RAF1: variants seen among roughly 807,000 people sequenced by gnomAD.
The protein encoded by RAF1 is Raf-1 proto-oncogene, serine/threonine kinase.
A neutral mutation model predicts 81.1 loss-of-function variants in RAF1; 27 were observed. The ratio of observed to expected loss-of-function variants is 0.33; its 90% CI spans 0.25 to 0.46. The LOEUF is 0.46. Ranked by LOEUF, RAF1 falls within the 20% of genes least tolerant of loss-of-function variation. The pLI, the probability that RAF1 is intolerant of heterozygous loss-of-function variation, is 1.00. For synonymous variants in RAF1, 298 were observed against 294.0 expected (o/e 1.01, Z -0.14); for missense variants, 598 against 826.0 (o/e 0.72, Z 3.38).
intron 11 of RAF1, among the ~76,000 whole-genome samples, chr3:12,597,726 G>C: frequency 6.6e-6 from 1 of 151,932 alleles, no homozygotes; most frequent in East Asian, 1.9e-4. Context: ...ACCAGTCTAG[G>C]AAACATGGCG....
chr3:12,625,989 G>C (rs1575613563), intron 1 of RAF1, among the ~76,000 whole-genome samples: 1 of 151,936 alleles, frequency 6.6e-6, no homozygotes, highest in Admixed American at 6.6e-5. Flanking sequence ...AAGTAGGCCG[G>C]GCGCAGTGGC....
chr3:12,603,358 C>A, intron 8 of RAF1: 3 of 539,292 alleles, frequency 5.6e-6, no homozygotes, highest in Admixed American at 3.2e-5. Flanking sequence ...AACATGGAAA[C>A]AAGTGACAAG....
intron 1 of RAF1, among the ~76,000 whole-genome samples, chr3:12,643,158 C>T (rs554154336): frequency 1.1e-4 from 17 of 152,286 alleles, no homozygotes; most frequent in African/African-American, 3.9e-4. Context: ...AATCAAATGT[C>T]AGATAAAAGC....
rs751334223 is a variant in RAF1 at position 12,612,066 on chromosome 3, C to A, written c.208-4G>T. 1.2e-6 allele frequency: 2 copies of A among 1,613,184 alleles called. No homozygotes were observed. Among genetic ancestry groups the A allele is most frequent in the South Asian group, 2.2e-5 (2 of 91,068 alleles). ...TCATTCCATTTCGCACATTGACCTA[C>A]AAACAAAGGACCACCTTTAGGACCA... On this transcript the variant is annotated splice_region_variant and splice_polypyrimidine_tract_variant and intron_variant, in intron 2 of 17. Coordinates refer to ENST00000442415, the MANE Select transcript of RAF1 (RefSeq NM_001354689.3).
intron 1 of RAF1, among the ~76,000 whole-genome samples, chr3:12,623,912 T>C (rs182500601): frequency 0.052 from 7,806 of 150,110 alleles, 679 homozygotes; most frequent in African/African-American, 0.18. Context: ...TGGAATGCAG[T>C]GGCGCGATCT....
At chr3:12,586,327 GT>G (rs1303718314) in intron 14 of RAF1, among the ~76,000 whole-genome samples, 7 of 152,156 alleles carry the variant, frequency 4.6e-5, no homozygotes, top group African/African-American at 1.7e-4. Context: ...GTACCACTCA[GT>G]GACTTCAAAA....
chr3:12,623,824 C>G (rs531643674), intron 1 of RAF1, among the ~76,000 whole-genome samples: 19 of 146,398 alleles, frequency 1.3e-4, no homozygotes, highest in African/African-American at 4.5e-4. Context: ...AAAAAAGAGG[C>G]AGGCTAAGTT....
In RAF1 at chr3:12,608,437, C is replaced by T. The variant is rs139769216; in HGVS notation, c.581+329G>A. The T allele has an allele frequency of 2.9e-3, 979 of 334,536 alleles. 21 individuals are homozygous for T. The Admixed American group carries it at 0.039, about 13-fold the overall frequency. 20.7% of individuals were successfully genotyped at this position (334,536 alleles called of 1,614,324 possible). On this transcript the variant is annotated intron_variant, in intron 5 of 17. Coordinates refer to ENST00000442415, the MANE Select transcript of RAF1 (RefSeq NM_001354689.3). ...TACAGAGCAGTGTCTACTAGCAACC[C>T]CAGTAGATAATACTATTAAGAGCGA... is the stretch of plus-strand genomic sequence containing the variant.
intron 1 of RAF1, among the ~76,000 whole-genome samples, chr3:12,638,681 A>T (rs1451095066): frequency 6.6e-6 from 1 of 152,130 alleles, no homozygotes; most frequent in Admixed American, 6.6e-5. Flanking sequence ...CACACATCCG[A>T]TTTGTCTTAA....
In RAF1 at chr3:12,655,000, A is replaced by ACCCC. The variant is rs35380724; in HGVS notation, c.-27+8809_-27+8812dup. ...AGACCAACCTGGTAAACATAGTGAG[A>ACCCC]CCCCCCCCCCGCCATCTCTAAAATA... is the stretch of plus-strand genomic sequence containing the variant. On this transcript the variant is annotated intron_variant, in intron 1 of 17. Coordinates refer to ENST00000442415, the MANE Select transcript of RAF1 (RefSeq NM_001354689.3). 7.7e-4 allele frequency among the ~76,000 whole-genome samples: 98 copies of ACCCC among 128,102 alleles called. 1 individual carries two copies. Among genetic ancestry groups the ACCCC allele is most frequent in the African/African-American group, 1.1e-3 (38 of 35,232 alleles). The allele number at this position is 128,102 out of a possible 152,430, so 84.0% of individuals were successfully genotyped here. A position where few individuals can be genotyped will look rare whatever the true frequency, so the allele number is the denominator to read the frequency against.
chr3:12,620,156 CTTTT>C (rs991719912), intron 1 of RAF1, among the ~76,000 whole-genome samples: 5 of 152,082 alleles, frequency 3.3e-5, no homozygotes, highest in African/African-American at 1.2e-4. Flanking sequence ...CTTTTCTTTT[CTTTT>C]GAGACAGAGT....
At position 12,652,163 on chromosome 3, in the gene RAF1, C is replaced by T. The variant is rs1458072340; in HGVS notation, c.-27+11650G>A. The stretch of plus-strand genomic sequence containing the variant: ...CCCAGGAGGCAGAGTCTGCAGTAAG[C>T]CAACATCATGCCACTGCACTCCAAC... On this transcript the variant is annotated intron_variant, in intron 1 of 17. Transcript: ENST00000442415. 4.0e-5 allele frequency among the ~76,000 whole-genome samples: 6 copies of T among 150,802 alleles called. No homozygotes were observed. The Admixed American group carries it at 4.0e-4, about 10-fold the overall frequency.
intron 1 of RAF1, among the ~76,000 whole-genome samples, chr3:12,649,070 C>T (rs2060440971): frequency 6.6e-6 from 1 of 151,892 alleles, no homozygotes; most frequent in African/African-American, 2.4e-5. Flanking sequence ...GCCAAGATCA[C>T]GCCATTGCAC....
chr3:12,649,947 C>A (rs1401312969), intron 1 of RAF1, among the ~76,000 whole-genome samples: 1 of 151,864 alleles, frequency 6.6e-6, no homozygotes, highest in Non-Finnish European at 1.5e-5. Context: ...GAGTTCGCGA[C>A]CAGTCTGGCC....
At chr3:12,634,306 C>T (rs1162226320) in intron 1 of RAF1, among the ~76,000 whole-genome samples, 1 of 151,750 alleles carries the variant, frequency 6.6e-6, no homozygotes, top group Non-Finnish European at 1.5e-5. Flanking sequence ...ACTACCACGC[C>T]TGGCTAATTT....
intron 6 of RAF1, 150 bp downstream of exon 6, chr3:12,606,051 G>T: frequency 1.6e-6 from 1 of 614,948 alleles, no homozygotes; most frequent in Non-Finnish European, 2.9e-6. Flanking sequence ...TACCTTTTCT[G>T]TACCACCAGT....
intron 1 of RAF1, among the ~76,000 whole-genome samples, chr3:12,649,689 G>A (rs2125559304): frequency 6.6e-6 from 1 of 152,074 alleles, no homozygotes; most frequent in Non-Finnish European, 1.5e-5. Flanking sequence ...TTTGCCAGAG[G>A]ATAAAATAGT....
At chr3:12,658,468 G>A (rs1429704042) in intron 1 of RAF1, among the ~76,000 whole-genome samples, 1 of 152,050 alleles carries the variant, frequency 6.6e-6, no homozygotes, top group Admixed American at 6.6e-5. Context: ...CAGGTGTGGT[G>A]GCGCATGCCT....
chr3:12,652,108 C>T (rs1036669302), intron 1 of RAF1, among the ~76,000 whole-genome samples: 2 of 151,898 alleles, frequency 1.3e-5, no homozygotes, highest in Non-Finnish European at 2.9e-5. Flanking sequence ...CCCAGCTACT[C>T]GGGAGGCTGA....
Sources: allele counts gnomAD v4.1 joint callset (sites outside exome capture counted in the v4.1 genomes callset), GRCh38; gene constraint gnomAD v4.1.1; transcripts MANE v1.5; gene names NCBI Gene and HGNC (gene_info 2026-07-23, HGNC 2026-07-21).